The following NRXN3 variants were observed in gnomAD, a reference collection of about 807,000 sequenced individuals.
NRXN3 encodes the protein neurexin III.
Under a neutral mutation model 137.6 loss-of-function variants are expected in NRXN3, and 32 were observed. That is an observed-to-expected ratio of 0.23 (90% CI 0.18 to 0.31). NRXN3 has a LOEUF of 0.31. Among genes scored for constraint, NRXN3 ranks in the 10% least tolerant of loss-of-function variants. The probability of loss-of-function intolerance (pLI) is 1.00; values close to 1 mark genes in which losing one functional copy is unlikely to be tolerated. For missense variants in NRXN3, 1,574 were observed against 2,062.5 expected, an observed-to-expected ratio of 0.76 and a Z score of 4.59; for synonymous variants, 798 against 784.5, an observed-to-expected ratio of 1.02 and a Z score of -0.29.
chr14:79,213,045 A>G (rs577730700), intron 15 of NRXN3, among the ~76,000 whole-genome samples: 1 of 152,172 alleles, frequency 6.6e-6, no homozygotes, highest in Admixed American at 6.6e-5. Context: ...TTGCAATTGT[A>G]TTTTTACAGT....
chr14:79,515,239 A>G (rs1470729019), intron 16 of NRXN3, among the ~76,000 whole-genome samples: 1 of 150,348 alleles, frequency 6.7e-6, no homozygotes, highest in African/African-American at 2.5e-5. Flanking sequence ...AGGCATAGGG[A>G]AAAGGTGGAC....
chr14:78,309,819 T>C (rs984745231), intron 4 of NRXN3, among the ~76,000 whole-genome samples: 2 of 152,160 alleles, frequency 1.3e-5, no homozygotes, highest in East Asian at 1.9e-4. Flanking sequence ...CCAAAGCTAA[T>C]ATTATAAGGC....
intron 15 of NRXN3, among the ~76,000 whole-genome samples, chr14:79,303,754 A>G (rs983430775): frequency 1.3e-5 from 2 of 152,028 alleles, no homozygotes; most frequent in African/African-American, 2.4e-5. Flanking sequence ...CAATAAGTAA[A>G]GAAGTGGGCA....
intron 10 of NRXN3, among the ~76,000 whole-genome samples, chr14:78,843,412 T>C (rs2099018159): frequency 6.6e-6 from 1 of 152,172 alleles, no homozygotes; most frequent in South Asian, 2.1e-4. Flanking sequence ...TTTGGCTCCA[T>C]GTATAGCAAT....
chr14:79,686,627 A>G (rs976193310), intron 17 of NRXN3, among the ~76,000 whole-genome samples: 1 of 152,196 alleles, frequency 6.6e-6, no homozygotes, highest in African/African-American at 2.4e-5. Flanking sequence ...GAAGACACCA[A>G]GAGTCATCTA....
At chr14:79,755,040 A>T (rs976290438) in intron 19 of NRXN3, among the ~76,000 whole-genome samples, 2 of 152,162 alleles carry the variant, frequency 1.3e-5, no homozygotes, top group African/African-American at 4.8e-5. Context: ...ACTCAGTCTC[A>T]GGTATATCTT....
intron 6 of NRXN3, among the ~76,000 whole-genome samples, chr14:78,667,540 G>T (rs911085549): frequency 5.3e-5 from 8 of 152,224 alleles, no homozygotes; most frequent in African/African-American, 1.7e-4. Context: ...CAGTGGAAAA[G>T]AATTTATATC....
intron 15 of NRXN3, among the ~76,000 whole-genome samples, chr14:79,079,020 C>T (rs781729501): frequency 1.4e-4 from 21 of 152,160 alleles, no homozygotes; most frequent in Non-Finnish European, 2.5e-4. Context: ...GTCAACATTG[C>T]TTCTTTTAGT....
chr14:79,179,432 T>A (rs1051007264), intron 15 of NRXN3, among the ~76,000 whole-genome samples: 29 of 152,280 alleles, frequency 1.9e-4, no homozygotes, highest in African/African-American at 5.5e-4. Flanking sequence ...AAAACAAATA[T>A]CTGCTGGGTG....
At chr14:78,553,400 C>A (rs1238283593) in intron 4 of NRXN3, among the ~76,000 whole-genome samples, 1 of 152,134 alleles carries the variant, frequency 6.6e-6, no homozygotes, top group Non-Finnish European at 1.5e-5. Flanking sequence ...AACCCTGCTA[C>A]AGTCCCCACT....
intron 16 of NRXN3, among the ~76,000 whole-genome samples, chr14:79,626,809 A>T (rs562856161): frequency 1.3e-5 from 2 of 152,300 alleles, no homozygotes; most frequent in South Asian, 4.2e-4. Context: ...CAGATTATCC[A>T]ATACAGTATT....
At chr14:78,981,760 A>G (rs1051549305) in intron 14 of NRXN3, among the ~76,000 whole-genome samples, 1 of 152,222 alleles carries the variant, frequency 6.6e-6, no homozygotes, top group Non-Finnish European at 1.5e-5. Context: ...TTATATCAAT[A>G]GATGTTTAGT....
chr14:79,737,141 T>C (rs2098944757), intron 19 of NRXN3, among the ~76,000 whole-genome samples: 1 of 152,208 alleles, frequency 6.6e-6, no homozygotes, highest in Non-Finnish European at 1.5e-5. Context: ...GAACCCAAAC[T>C]GGACTTTTTA....
At position 78,966,031 on chromosome 14, in the gene NRXN3, T is replaced by C; in HGVS notation, c.2402T>C (p.Met801Thr). ...TCATTTACAATTTTCACAGGTACAA[T>C]GGTGGGAGACCATACCCGTTTGGAG... The part of the protein sequence containing the change: ...TVDDDVAEGT[M>T]VGDHTRLEFH... The change falls in exon 12 of 21, where the codon ATG becomes ACG. Residue 801 changes from methionine to threonine, a missense_variant. Physicochemically the swap from Met to Thr is moderately conservative, Grantham distance 81 (BLOSUM62 -1). Transcript: ENST00000335750. The C allele has an allele frequency of 1.2e-6, 2 of 1,613,532 alleles. No individual in the cohort carries two copies. Among genetic ancestry groups the C allele is most frequent in the Non-Finnish European group, 8.5e-7 (1 of 1,179,524 alleles).
chr14:78,239,611 T>C (rs556228767), intron 1 of NRXN3, among the ~76,000 whole-genome samples: 2 of 152,342 alleles, frequency 1.3e-5, no homozygotes, highest in African/African-American at 4.8e-5. Flanking sequence ...TGCTCCAGCC[T>C]CAGTTCTTTT....
chr14:79,295,973 T>C (rs1211648653), intron 15 of NRXN3, among the ~76,000 whole-genome samples: 2 of 152,176 alleles, frequency 1.3e-5, no homozygotes, highest in Non-Finnish European at 2.9e-5. Context: ...CTGTCCAGGG[T>C]GTCAGACTCT....
chr14:79,499,413 ATCTTTTTGATCATCATAACTTAGTAAGC>A (rs2096797942), intron 16 of NRXN3, among the ~76,000 whole-genome samples: 1 of 152,114 alleles, frequency 6.6e-6, no homozygotes, highest in African/African-American at 2.4e-5. Context: ...CCTCAAAATG[ATCTTTTTGATCATCATAACTTAGTAAGC>A]TCTCTCCCTC....
At chr14:78,861,886 G>A (rs891490479) in intron 10 of NRXN3, among the ~76,000 whole-genome samples, 3 of 152,064 alleles carry the variant, frequency 2.0e-5, no homozygotes, top group Middle Eastern at 3.2e-3. Context: ...AGGTGACATA[G>A]TTGCTTCTCC....
intron 1 of NRXN3, among the ~76,000 whole-genome samples, chr14:78,215,333 G>A (rs1219573820): frequency 6.6e-6 from 1 of 152,066 alleles, no homozygotes; most frequent in Non-Finnish European, 1.5e-5. Flanking sequence ...TTTAGCTTCT[G>A]GGTCCCTGCT....
Sources: gnomAD v4.1 joint callset for allele counts (sites outside exome capture counted in the v4.1 genomes callset) on GRCh38, gnomAD v4.1.1 for gene constraint, MANE v1.5 for transcripts, NCBI Gene and HGNC (gene_info 2026-07-23, HGNC 2026-07-21) for gene names.